CHRDL1: variants seen among roughly 807,000 people sequenced by gnomAD.
CHRDL1 encodes chordin-like protein 1.
CHRDL1 carries 19 observed loss-of-function variants against 40.9 expected under a neutral mutation model. The observed-to-expected ratio is 0.46, with a 90% confidence interval of 0.32 to 0.68. CHRDL1 has a LOEUF of 0.68. Ranked by LOEUF, CHRDL1 falls within the 30% of genes least tolerant of loss-of-function variation. CHRDL1 has a pLI of 0.03. For synonymous variants in CHRDL1, 136 were observed against 123.4 expected (o/e 1.10, Z -0.68); for missense variants, 329 against 352.1 (o/e 0.93, Z 0.53).
intron 11 of CHRDL1, among the ~76,000 whole-genome samples, chrX:110,678,292 A>ATGTTGAT (rs1257799087): frequency 9.0e-6 from 1 of 111,700 alleles, no homozygotes; most frequent in Non-Finnish European, 1.9e-5. Context: ...CCAAAGCACC[A>ATGTTGAT]TGTTGATATC....
At chrX:110,792,406 T>A (rs1248664352) in intron 1 of CHRDL1, among the ~76,000 whole-genome samples, 191 bp from the exon 2 acceptor site, 3 of 112,075 alleles carry the variant, frequency 2.7e-5, no homozygotes, top group Admixed American at 9.4e-5. Flanking sequence ...TGGGTGAAAA[T>A]TCAAGTGAAT....
intron 9 of CHRDL1, among the ~76,000 whole-genome samples, chrX:110,684,706 A>G: frequency 8.9e-6 from 1 of 112,839 alleles, no homozygotes; most frequent in African/African-American, 3.2e-5. Flanking sequence ...TGTCTTGCAC[A>G]CAGTAGGTAC....
At chrX:110,736,008 T>C (rs2071257254) in intron 4 of CHRDL1, among the ~76,000 whole-genome samples, 1 of 112,124 alleles carries the variant, frequency 8.9e-6, no homozygotes, top group Non-Finnish European at 1.9e-5. Context: ...TTTGGAAAAC[T>C]GTTAGCAGCT....
At position 110,747,939 on chromosome X, in the gene CHRDL1, T is replaced by C. The variant is rs181112098; in HGVS notation, c.301+11722A>G. On this transcript the variant is annotated intron_variant, in intron 4 of 11. Coordinates refer to ENST00000372042, the MANE Select transcript of CHRDL1 (RefSeq NM_001143981.2). ...ATGTGTGTCTTGTGTTTACTCAGCA[T>C]TGAGCCTGAGCTATTAATATAATAT... Among the ~76,000 whole-genome samples, 360 of 112,767 alleles carry C rather than the reference T, an allele frequency of 3.2e-3. 2 individuals carry two copies. The highest frequency in any genetic ancestry group is 0.014 in the Middle Eastern group (3 of 218).
rs2069899294 is a variant in CHRDL1, at chrX:110,681,625, T to G, written c.1013A>C (p.Asp338Ala). 2.5e-6 allele frequency: 3 copies of G among 1,206,722 alleles called. No homozygotes were observed. Among genetic ancestry groups the G allele is most frequent in the African/African-American group, 1.7e-5 (1 of 57,762 alleles). ...AKEELPGQSF[D>A]NKGYFCGEET... ...TTCCCCGCAGAAGTAGCCTTTATTG[T>G]CAAAGCTTTGGCCTGGAAGTTCTTC... Residue 338 changes from aspartate to alanine, a missense_variant, in exon 10 of 12, where the codon GAC (aspartate) becomes GCC (alanine). Physicochemically the swap from Asp to Ala is moderately radical, Grantham distance 126 (BLOSUM62 -2). Coordinates refer to ENST00000372042, the MANE Select transcript of CHRDL1 (RefSeq NM_001143981.2).
intron 4 of CHRDL1, among the ~76,000 whole-genome samples, chrX:110,726,372 G>A (rs931134491): frequency 2.4e-4 from 27 of 111,558 alleles, no homozygotes; most frequent in African/African-American, 8.5e-4. Flanking sequence ...GAGCTTGTTC[G>A]CCCCTTCTAC....
intron 8 of CHRDL1, among the ~76,000 whole-genome samples, chrX:110,692,575 A>G (rs915739652): frequency 4.4e-5 from 5 of 112,516 alleles, no homozygotes; most frequent in African/African-American, 1.6e-4. Flanking sequence ...ATACTTTCAC[A>G]GCAAATGGAA....
chrX:110,744,403 C>T (rs1218720832), intron 4 of CHRDL1, among the ~76,000 whole-genome samples: 2 of 111,381 alleles, frequency 1.8e-5, no homozygotes, highest in Admixed American at 9.5e-5. Flanking sequence ...AATTCAGATC[C>T]TCCCAAGTTA....
At chrX:110,708,140 A>G (rs1039351044) in intron 6 of CHRDL1, among the ~76,000 whole-genome samples, 3 of 110,911 alleles carry the variant, frequency 2.7e-5, no homozygotes, top group Non-Finnish European at 5.7e-5. Flanking sequence ...AAAGTCAGGA[A>G]ACAACAGATG....
rs1243942223 is a variant in CHRDL1 at position 110,694,144 on chromosome X, A to G, written c.778+19T>C. 5.1e-6 allele frequency: 6 copies of G among 1,184,483 alleles called. No homozygotes were observed. The South Asian group carries it at 7.2e-5, about 14-fold the overall frequency. On this transcript the variant is annotated intron_variant, in intron 8 of 11. Transcript: ENST00000372042. ...TGAAGCCTTGTTGTGGAAGTATACAAAAGAAGGATGCCCCTTACCTTGTCC... is the reference window on the plus strand; with the variant it reads ...TGAAGCCTTGTTGTGGAAGTATACAGAAGAAGGATGCCCCTTACCTTGTCC...
At chrX:110,709,019 G>A (rs1268980751) in intron 6 of CHRDL1, among the ~76,000 whole-genome samples, 1 of 111,962 alleles carries the variant, frequency 8.9e-6, no homozygotes, top group Non-Finnish European at 1.9e-5. Context: ...ACAGATTGGA[G>A]CCAAACAGTT....
chrX:110,700,526 A>G lies in CHRDL1; in HGVS notation c.609+128T>C, dbSNP rs2070489908. ...TGGTGATGACATTAAAAACTTTGAG[A>G]AAAGGGAAGAAAAATGGTGTTAGAA... is the stretch of plus-strand genomic sequence containing the variant. On this transcript the variant is annotated intron_variant, in intron 7 of 11. Coordinates refer to ENST00000372042, the MANE Select transcript of CHRDL1 (RefSeq NM_001143981.2). The G allele has an allele frequency of 6.0e-6, 3 of 500,887 alleles. No individual in the cohort carries two copies. In the East Asian group the frequency reaches 1.0e-4, roughly 17 times the overall value. The allele number at this position is 500,887 out of a possible 1,213,427, so 41.3% of individuals were successfully genotyped here. A position where few individuals can be genotyped will look rare whatever the true frequency, so the allele number is the denominator to read the frequency against.
chrX:110,764,485 C>T (rs769632116), intron 2 of CHRDL1, among the ~76,000 whole-genome samples: 8 of 112,118 alleles, frequency 7.1e-5, no homozygotes, highest in African/African-American at 9.7e-5. Context: ...CTGTTATCTT[C>T]GTAAGCTAAG....
intron 2 of CHRDL1, among the ~76,000 whole-genome samples, chrX:110,788,918 G>T (rs1039828952): frequency 9.0e-6 from 1 of 111,275 alleles, no homozygotes; most frequent in Non-Finnish European, 1.9e-5. Context: ...TAAAATTATG[G>T]CAGCAGTAGA....
At chrX:110,755,341 T>C (rs2089434702) in intron 4 of CHRDL1, among the ~76,000 whole-genome samples, 1 of 112,192 alleles carries the variant, frequency 8.9e-6, no homozygotes. Flanking sequence ...GATTTCTCTC[T>C]GGTATTTCTG....
intron 2 of CHRDL1, 76 bp downstream of exon 2, chrX:110,792,012 T>C: frequency 1.6e-6 from 1 of 625,221 alleles, no homozygotes; most frequent in Non-Finnish European, 2.5e-6. Flanking sequence ...GGCTAAATCA[T>C]AATTGCTACA....
chrX:110,724,951 C>T (rs2071028770), intron 4 of CHRDL1, among the ~76,000 whole-genome samples: 1 of 111,957 alleles, frequency 8.9e-6, no homozygotes, highest in African/African-American at 3.3e-5. Context: ...CCTTGGAACA[C>T]ATTCAGTGTT....
At chrX:110,791,983 A>G in intron 2 of CHRDL1, 105 bp downstream of exon 2, 1 of 482,337 alleles carries the variant, frequency 2.1e-6, no homozygotes, top group Admixed American at 4.0e-5. Context: ...CTCTTAGAAT[A>G]ATGGCACGGC....
intron 4 of CHRDL1, among the ~76,000 whole-genome samples, chrX:110,758,310 A>T: frequency 9.3e-6 from 1 of 107,199 alleles, no homozygotes; most frequent in Non-Finnish European, 1.9e-5. Context: ...TTCCAAAAAA[A>T]ACCCAACAAC....
Sources: gnomAD v4.1 joint callset for allele counts (sites outside exome capture counted in the v4.1 genomes callset) on GRCh38, gnomAD v4.1.1 for gene constraint, MANE v1.5 for transcripts, NCBI Gene and HGNC (gene_info 2026-07-23, HGNC 2026-07-21) for gene names.